RELN: variants seen among roughly 807,000 people sequenced by gnomAD.
The protein encoded by RELN is reelin.
In RELN, 108 loss-of-function variants were observed where a neutral mutation model predicts 427.6. The observed-to-expected ratio is 0.25, with a 90% CI of 0.22 to 0.30. The LOEUF (loss-of-function observed/expected upper bound fraction) is 0.30. Ranked by LOEUF, RELN falls within the 10% of genes least tolerant of loss-of-function variation. The pLI is 1.00. For synonymous variants in RELN, 1,524 were observed against 1,513.4 expected (o/e 1.01, Z -0.16); for missense variants, 3,715 against 4,302.8 (o/e 0.86, Z 3.82).
chr7:103,985,951 G>T (rs1033362085), intron 1 of RELN, among the ~76,000 whole-genome samples: 6 of 152,054 alleles, frequency 3.9e-5, no homozygotes, highest in African/African-American at 7.2e-5. Context: ...CCCATCATTT[G>T]CAACTTTCTA....
chr7:103,950,578 CAAA>C, intron 1 of RELN, among the ~76,000 whole-genome samples: 1 of 152,158 alleles, frequency 6.6e-6, no homozygotes, highest in East Asian at 1.9e-4. Flanking sequence ...AGATAAATAC[CAAA>C]CACTTCAAGC....
At chr7:103,833,393 C>T in intron 3 of RELN, 144 bp downstream of exon 3, 1 of 844,270 alleles carries the variant, frequency 1.2e-6, no homozygotes, top group Admixed American at 2.1e-5. Flanking sequence ...AAAGTTTTTA[C>T]CTTTTTTGGC....
At chr7:103,932,519 C>A in intron 1 of RELN, among the ~76,000 whole-genome samples, 1 of 152,252 alleles carries the variant, frequency 6.6e-6, no homozygotes. Context: ...CAAATCTGCA[C>A]GTGTACCCCT....
At chr7:103,768,905 C>A (rs1265732016) in intron 4 of RELN, among the ~76,000 whole-genome samples, 1 of 152,108 alleles carries the variant, frequency 6.6e-6, no homozygotes, top group East Asian at 1.9e-4. Context: ...TAAGTCTAAC[C>A]CCCTATATAC....
chr7:103,920,608 C>G (rs1417182148), intron 1 of RELN, among the ~76,000 whole-genome samples: 1 of 143,012 alleles, frequency 7.0e-6, no homozygotes, highest in Non-Finnish European at 1.5e-5. Context: ...GAGTCTCGCT[C>G]TCTTACCCAG....
intron 2 of RELN, among the ~76,000 whole-genome samples, chr7:103,899,148 A>G (rs1009631877): frequency 3.3e-5 from 5 of 152,284 alleles, no homozygotes; most frequent in Middle Eastern, 3.4e-3. Flanking sequence ...CTACTTTCAG[A>G]GAATACTATA....
chr7:103,638,676 T>G (rs1309478722), intron 17 of RELN, among the ~76,000 whole-genome samples: 12 of 152,156 alleles, frequency 7.9e-5, no homozygotes, highest in Non-Finnish European at 1.5e-4. Flanking sequence ...AAAACATTGT[T>G]AGAAATAGGG....
intron 3 of RELN, among the ~76,000 whole-genome samples, chr7:103,806,879 C>A (rs1483942347): frequency 6.6e-6 from 1 of 152,254 alleles, no homozygotes; most frequent in African/African-American, 2.4e-5. Context: ...CACACTTAAT[C>A]ATTCAACAAG....
chr7:103,948,815 A>C (rs1796270830), intron 1 of RELN, among the ~76,000 whole-genome samples: 1 of 151,938 alleles, frequency 6.6e-6, no homozygotes, highest in Non-Finnish European at 1.5e-5. Flanking sequence ...GGAATTTGAG[A>C]CCAGCCTGGG....
Position 103,496,540 on chromosome 7 carries a change from T to C in RELN, c.9179A>G (p.Asp3060Gly). Reference sequence around the variant, plus strand: ...TTGTTTCTTACCATCATCAAAAGTGTCCACCAATTGGCTGGGATTGATTTC... The same window carrying C: ...TTGTTTCTTACCATCATCAAAAGTGCCCACCAATTGGCTGGGATTGATTTC... Reference protein sequence around the residue: ...GAEINPSQLVDTFDDEGTSHE... With the variant: ...GAEINPSQLVGTFDDEGTSHE... The change falls in exon 56 of 65, where the codon GAC becomes GGC. Residue 3060 changes from aspartate (D) to glycine (G), a missense_variant. Coordinates refer to ENST00000428762, the MANE Select transcript of RELN (RefSeq NM_005045.4). The C allele has an allele frequency of 6.2e-7, 1 of 1,614,126 alleles. No homozygotes were observed. The highest frequency in any genetic ancestry group is 2.2e-5 in the East Asian group (1 of 44,880).
intron 6 of RELN, among the ~76,000 whole-genome samples, chr7:103,742,100 A>G (rs529263769): frequency 1.7e-4 from 26 of 152,274 alleles, no homozygotes; most frequent in Middle Eastern, 6.8e-3. Flanking sequence ...GCAACATTTG[A>G]GGTTCACCAA....
rs1389628282 is a variant in RELN, at chr7:103,604,326, G to A, written c.3146+20C>T. The stretch of plus-strand genomic sequence containing the variant: ...AATCTTGAGAAGCATGGACCTCATC[G>A]TGCTTTCTGGTGCACATACCTGCAT... On this transcript the variant is annotated intron_variant, in intron 23 of 64. Transcript: ENST00000428762. 3.7e-6 allele frequency: 6 copies of A among 1,613,456 alleles called. No individual in the cohort carries two copies. The highest frequency in any genetic ancestry group is 2.2e-5 in the South Asian group (2 of 91,066).
chr7:103,750,049 G>A (rs777224709), intron 5 of RELN, among the ~76,000 whole-genome samples: 47 of 152,190 alleles, frequency 3.1e-4, no homozygotes, highest in South Asian at 6.2e-4. Flanking sequence ...GCATGATCTT[G>A]GCTCACTGCA....
intron 4 of RELN, among the ~76,000 whole-genome samples, chr7:103,775,650 T>TA (rs1403342749): frequency 1.3e-5 from 2 of 152,146 alleles, no homozygotes; most frequent in Non-Finnish European, 2.9e-5. Context: ...ATACTATACT[T>TA]ACAATAAACA....
intron 3 of RELN, among the ~76,000 whole-genome samples, chr7:103,820,244 T>C (rs1293936450): frequency 6.6e-6 from 1 of 151,996 alleles, no homozygotes; most frequent in East Asian, 1.9e-4. Flanking sequence ...CACTTCATTT[T>C]AACACCAGAA....
chr7:103,472,786 AG>A lies in RELN; in HGVS notation c.*25del. The A allele has an allele frequency of 6.5e-7, 1 of 1,547,980 alleles. No homozygotes were observed. Among genetic ancestry groups the A allele is most frequent in the Non-Finnish European group, 8.9e-7 (1 of 1,119,888 alleles). ...GGAGAGCAACACATCACATGTTGGA[AG>A]AAAAAAAATAAACTTTTTGATTCTT... On this transcript the variant is annotated 3_prime_UTR_variant, in exon 65 of 65. Coordinates refer to ENST00000428762, the MANE Select transcript of RELN (RefSeq NM_005045.4).
rs9792002 is a variant in RELN, at chr7:103,872,048, T to A, written c.338-38376A>T. 2.6e-3 allele frequency among the ~76,000 whole-genome samples: 279 copies of A among 109,256 alleles called. 2 individuals carry two copies. The highest frequency in any genetic ancestry group is 6.6e-3 in the African/African-American group (233 of 35,460). 71.7% of individuals were successfully genotyped at this position (109,256 alleles called of 152,430 possible). A position where few individuals can be genotyped will look rare whatever the true frequency, so the allele number is the denominator to read the frequency against. ...TATATATATTTTTCTTTTTTCTTTTTTTTCTTTTTTTATTTATTTATTTTT... is the reference window on the plus strand; with the variant it reads ...TATATATATTTTTCTTTTTTCTTTTATTTCTTTTTTTATTTATTTATTTTT... On this transcript the variant is annotated intron_variant, in intron 2 of 64. Transcript: ENST00000428762.
chr7:103,821,249 T>C (rs1793008074), intron 3 of RELN, among the ~76,000 whole-genome samples: 1 of 152,194 alleles, frequency 6.6e-6, no homozygotes, highest in South Asian at 2.1e-4. Context: ...TTAATGTGCA[T>C]CCTTGCACCT....
At chr7:103,692,831 T>C (rs1833899926) in intron 10 of RELN, among the ~76,000 whole-genome samples, 1 of 152,056 alleles carries the variant, frequency 6.6e-6, no homozygotes, top group Non-Finnish European at 1.5e-5. Context: ...TTGTTCAACT[T>C]AATGGTTCCA....
Sources: allele counts gnomAD v4.1 joint callset (sites outside exome capture counted in the v4.1 genomes callset), GRCh38; gene constraint gnomAD v4.1.1; transcripts MANE v1.5; gene names NCBI Gene and HGNC (gene_info 2026-07-23, HGNC 2026-07-21).